The following CHORDC1 variants were observed in gnomAD, a reference collection of about 807,000 sequenced individuals.
The protein encoded by CHORDC1 is cysteine and histidine rich domain containing 1, also known as cysteine and histidine-rich domain-containing protein 1.
In CHORDC1, 25 loss-of-function variants were observed where a neutral mutation model predicts 48.3. That is an observed-to-expected ratio of 0.52 (90% CI 0.38 to 0.72). CHORDC1 has a LOEUF of 0.72. Ranked by LOEUF, CHORDC1 falls within the 30% of genes least tolerant of loss-of-function variation. CHORDC1 has a pLI of 0.00. For missense variants in CHORDC1, 317 were observed against 388.7 expected (o/e 0.82, Z 1.55); for synonymous variants, 128 against 126.4 (o/e 1.01, Z -0.09).
At position 90,201,139 on chromosome 11, in the gene CHORDC1, T is replaced by C. The variant is rs1289433437; in HGVS notation, c.*1266A>G. On this transcript the variant is annotated 3_prime_UTR_variant, in exon 11 of 11. Transcript: ENST00000320585. Reference sequence around the variant, plus strand: ...ATGTTTTATTCACGAAAATAGTACTTCTGCAAATTTTTCTTTGTAAGAATT... The same window carrying C: ...ATGTTTTATTCACGAAAATAGTACTCCTGCAAATTTTTCTTTGTAAGAATT... 1 of 152,008 alleles carries C rather than the reference T, an allele frequency of 6.6e-6. No homozygotes were observed. Among genetic ancestry groups the C allele is most frequent in the East Asian group, 1.9e-4 (1 of 5,192 alleles). 9.4% of individuals were successfully genotyped at this position (152,008 alleles called of 1,614,324 possible).
At position 90,209,663 on chromosome 11, in the gene CHORDC1, A is replaced by G. The variant is rs193141112; in HGVS notation, c.492+873T>C. ...AAATGTTGGAGGATATGCAAGTTTT[A>G]TATCAAGTAGCAAGAGGCAGGAAAA... On this transcript the variant is annotated intron_variant, in intron 6 of 10. Transcript: ENST00000320585. Among the ~76,000 whole-genome samples, 494 of 152,284 alleles carry G rather than the reference A, an allele frequency of 3.2e-3. 9 individuals are homozygous for G. The highest frequency in any genetic ancestry group is 9.7e-4 in the East Asian group (5 of 5,178).
At chr11:90,216,710 A>G (rs1185963066) in intron 2 of CHORDC1, among the ~76,000 whole-genome samples, 1 of 152,214 alleles carries the variant, frequency 6.6e-6, no homozygotes, top group East Asian at 1.9e-4. Flanking sequence ...TCAGAAAGTC[A>G]GTAGTATCAT....
At chr11:90,205,670 A>G in intron 7 of CHORDC1, 105 bp from the exon 8 acceptor site, 1 of 692,360 alleles carries the variant, frequency 1.4e-6, no homozygotes, top group Non-Finnish European at 2.5e-6. Context: ...GTAAGTGTAC[A>G]AACTCTAGCA....
Position 90,201,649 on chromosome 11 carries a change from C to T in CHORDC1, c.*756G>A, listed in dbSNP as rs1857546657. The T allele has an allele frequency of 6.6e-6, 1 of 152,342 alleles. No individual in the cohort carries two copies. Among genetic ancestry groups the T allele is most frequent in the Non-Finnish European group, 1.5e-5 (1 of 67,866 alleles). The allele number at this position is 152,342 out of a possible 1,614,324, so 9.4% of individuals were successfully genotyped here. A position where few individuals can be genotyped will look rare whatever the true frequency, so the allele number is the denominator to read the frequency against. On this transcript the variant is annotated 3_prime_UTR_variant, in exon 11 of 11. Transcript: ENST00000320585. ...GAGGGCTTAGTCTCTAAATCAGTAA[C>T]AATTAGTCATAACACCATACAAACA...
In CHORDC1 at chr11:90,206,072, T is replaced by C. The variant is rs563434163; in HGVS notation, c.563+130A>G. 7.1e-5 allele frequency: 49 copies of C among 687,582 alleles called. No individual in the cohort carries two copies. The African/African-American group carries it at 8.3e-4, about 12-fold the overall frequency. The allele number at this position is 687,582 out of a possible 1,614,324, so 42.6% of individuals were successfully genotyped here. On this transcript the variant is annotated intron_variant, in intron 7 of 10. Coordinates refer to ENST00000320585, the MANE Select transcript of CHORDC1 (RefSeq NM_012124.3). ...AAACCCCTGTGTTTGTGTAGGCTAT[T>C]GTGAAGATGTTAATGGCAATGTAAG...
rs1591049331 is a variant in CHORDC1 at position 90,205,450 on chromosome 11, A to T, written c.669+10T>A. 1 of 1,282,850 alleles carries T rather than the reference A, an allele frequency of 7.8e-7. No individual in the cohort carries two copies. The highest frequency in any genetic ancestry group is 1.1e-6 in the Non-Finnish European group (1 of 936,746). The allele number at this position is 1,282,850 out of a possible 1,614,324, so 79.5% of individuals were successfully genotyped here. On this transcript the variant is annotated intron_variant, in intron 8 of 10. Transcript: ENST00000320585. ...AAACCCAGTGTGCTATTTTTGGAAG[A>T]GTTACTTACAGCATCTTTTTTAGTC...
At chr11:90,207,867 C>T (rs1057463662) in intron 6 of CHORDC1, 1 of 144,162 alleles carries the variant, frequency 6.9e-6, no homozygotes, top group African/African-American at 2.5e-5. Flanking sequence ...TAAACAAATA[C>T]AACCACCTTG....
intron 8 of CHORDC1, among the ~76,000 whole-genome samples, chr11:90,204,004 A>AT (rs947466995): frequency 9.3e-5 from 14 of 151,098 alleles, no homozygotes; most frequent in South Asian, 2.1e-4. Flanking sequence ...CCCTACCAGT[A>AT]TTTTTTTTTA....
At chr11:90,222,717 C>T (rs1304245465) in intron 1 of CHORDC1, 174 bp downstream of exon 1, 1 of 720,164 alleles carries the variant, frequency 1.4e-6, no homozygotes, top group Admixed American at 2.0e-5. Context: ...GAACGCGGCG[C>T]AACAGAGGGG....
At position 90,214,108 on chromosome 11, in the gene CHORDC1, G is replaced by A. The variant is rs1159607296; in HGVS notation, c.239C>T (p.Thr80Ile). The A allele has an allele frequency of 6.2e-7, 1 of 1,613,316 alleles. No homozygotes were observed. The highest frequency in any genetic ancestry group is 1.3e-5 in the African/African-American group (1 of 74,884). Residue 80 changes from threonine to isoleucine, a missense_variant, in exon 4 of 11, where the codon ACT becomes ATT. Transcript: ENST00000320585. ...PEPVKPEVKT[T>I]EKKELCELKP... ...TAATTCACATAGCTCCTTCTTCTCAGTAGTCTTGACTTCAGGTTTGACTGG... is the reference window on the plus strand; with the variant it reads ...TAATTCACATAGCTCCTTCTTCTCAATAGTCTTGACTTCAGGTTTGACTGG...
chr11:90,211,002 T>C lies in CHORDC1; in HGVS notation c.433+213A>G, dbSNP rs1439701989. ...ACCATAAAAGAAAAAAAATTTAATA[T>C]AGGTTCTCGTTTTGAATAAAGACAT... On this transcript the variant is annotated intron_variant, in intron 5 of 10. Transcript: ENST00000320585. 4.2e-5 allele frequency: 14 copies of C among 337,086 alleles called. No individual in the cohort carries two copies. In the East Asian group the frequency reaches 7.3e-4, roughly 18 times the overall value. 20.9% of individuals were successfully genotyped at this position (337,086 alleles called of 1,614,324 possible). A position where few individuals can be genotyped will look rare whatever the true frequency, so the allele number is the denominator to read the frequency against.
chr11:90,200,749 T>C lies in CHORDC1; in HGVS notation c.*1656A>G, dbSNP rs1937052763. On this transcript the variant is annotated 3_prime_UTR_variant, in exon 11 of 11. Transcript: ENST00000320585. Reference sequence around the variant, plus strand: ...TAATATTTCAATTACATGTAACAGATTAAGATACTGTTTAGGGGAAAACAG... The same window carrying C: ...TAATATTTCAATTACATGTAACAGACTAAGATACTGTTTAGGGGAAAACAG... 6.6e-6 allele frequency among the ~76,000 whole-genome samples: 1 copy of C among 151,974 alleles called. No individual in the cohort carries two copies.
chr11:90,218,040 A>T, intron 2 of CHORDC1, 95 bp downstream of exon 2: 1 of 889,864 alleles, frequency 1.1e-6, no homozygotes, highest in Non-Finnish European at 1.7e-6. Flanking sequence ...GAAGAAAGTC[A>T]CTAGCTGAGA....
At chr11:90,211,692 T>C (rs887818057) in intron 4 of CHORDC1, 3 of 168,346 alleles carry the variant, frequency 1.8e-5, no homozygotes, top group Non-Finnish European at 2.5e-5. Flanking sequence ...GCTGAGCACA[T>C]AATAAACATG....
At position 90,205,968 on chromosome 11, in the gene CHORDC1, A is replaced by T. The variant is rs1045412415; in HGVS notation, c.563+234T>A. ...TTTTAAATACAGAATATGAAGAAAA[A>T]CAGGCAGTTTATATCACAATGACCA... On this transcript the variant is annotated intron_variant, in intron 7 of 10. Coordinates refer to ENST00000320585, the MANE Select transcript of CHORDC1 (RefSeq NM_012124.3). The T allele has an allele frequency of 1.2e-5, 6 of 521,506 alleles. No individual in the cohort carries two copies. The Admixed American group carries it at 2.1e-4, about 19-fold the overall frequency. 32.3% of individuals were successfully genotyped at this position (521,506 alleles called of 1,614,324 possible).
At chr11:90,218,600 C>T (rs1858078902) in intron 1 of CHORDC1, among the ~76,000 whole-genome samples, 1 of 152,204 alleles carries the variant, frequency 6.6e-6, no homozygotes, top group South Asian at 2.1e-4. Context: ...CCCTTAAAGA[C>T]ATTTTGTAAT....
intron 4 of CHORDC1, chr11:90,212,938 G>A (rs1157280656): frequency 6.6e-6 from 1 of 152,256 alleles, no homozygotes; most frequent in African/African-American, 2.4e-5. Flanking sequence ...TGCCCTTTAA[G>A]TAAAATAACA....
At chr11:90,208,777 AATTTAT>A (rs1460716014) in intron 6 of CHORDC1, 1 of 152,194 alleles carries the variant, frequency 6.6e-6, no homozygotes, top group African/African-American at 2.4e-5. Context: ...TTGAGCTACA[AATTTAT>A]ATTTGTATAT....
At position 90,211,016 on chromosome 11, in the gene CHORDC1, G is replaced by A. The variant is rs1334718577; in HGVS notation, c.433+199C>T. 1.6e-5 allele frequency: 6 copies of A among 369,722 alleles called. No homozygotes were observed. In the Admixed American group the frequency reaches 1.8e-4, roughly 11 times the overall value. 22.9% of individuals were successfully genotyped at this position (369,722 alleles called of 1,614,324 possible). ...AAAATTTAATATAGGTTCTCGTTTT[G>A]AATAAAGACATATGGAATTAACCTA... is the stretch of plus-strand genomic sequence containing the variant. On this transcript the variant is annotated intron_variant, in intron 5 of 10. Transcript: ENST00000320585.
Sources: allele counts gnomAD v4.1 joint callset (sites outside exome capture counted in the v4.1 genomes callset), GRCh38; gene constraint gnomAD v4.1.1; transcripts MANE v1.5; gene names NCBI Gene and HGNC (gene_info 2026-07-23, HGNC 2026-07-21).